NAV1: variants seen among roughly 807,000 people sequenced by gnomAD.
NAV1 encodes the protein pore membrane and/or filament interacting like protein 3.
A neutral mutation model predicts 175.2 loss-of-function variants in NAV1; 18 were observed. The observed-to-expected ratio is 0.10, with a 90% CI of 0.07 to 0.15. The LOEUF (loss-of-function observed/expected upper bound fraction) is 0.15, where lower values mean the gene tolerates loss of function less well. Among genes scored for constraint, NAV1 ranks in the 10% least tolerant of loss-of-function variants. NAV1 has a pLI of 1.00. For synonymous variants in NAV1, 897 were observed against 978.7 expected, an observed-to-expected ratio of 0.92 and a Z score of 1.56; for missense variants, 1,731 against 2,436.6, an observed-to-expected ratio of 0.71 and a Z score of 6.10.
chr1:201,643,016 C>T (rs1388208681), intron 2 of NAV1, among the ~76,000 whole-genome samples: 1 of 151,720 alleles, frequency 6.6e-6, no homozygotes, highest in East Asian at 2.0e-4. Flanking sequence ...CCTCGTGATC[C>T]GTCCGCCTTG....
intron 3 of NAV1, among the ~76,000 whole-genome samples, chr1:201,722,091 T>A (rs1012141608): frequency 6.6e-6 from 1 of 152,062 alleles, no homozygotes; most frequent in Non-Finnish European, 1.5e-5. Context: ...AAAATTGTGG[T>A]TATATATATA....
intron 1 of NAV1, among the ~76,000 whole-genome samples, chr1:201,695,878 A>G (rs1169926552): frequency 2.6e-5 from 4 of 152,206 alleles, no homozygotes; most frequent in African/African-American, 9.7e-5. Context: ...CTGGTTCTGG[A>G]GAAGGCCCAG....
At chr1:201,756,820 C>CTT (rs1553267174) in intron 3 of NAV1, among the ~76,000 whole-genome samples, 3 of 29,152 alleles carry the variant, frequency 1.0e-4, no homozygotes, top group South Asian at 8.6e-4. Flanking sequence ...TTCTTTCTTT[C>CTT]TTTCTTTCTT....
At chr1:201,746,377 T>A (rs1226491825) in intron 3 of NAV1, among the ~76,000 whole-genome samples, 2 of 152,186 alleles carry the variant, frequency 1.3e-5, no homozygotes, top group African/African-American at 4.8e-5. Context: ...CCCTTCAGAT[T>A]AGGTTAAATC....
At chr1:201,765,881 T>C (rs1675184754) in intron 3 of NAV1, among the ~76,000 whole-genome samples, 1 of 152,256 alleles carries the variant, frequency 6.6e-6, no homozygotes, top group Non-Finnish European at 1.5e-5. Flanking sequence ...AATCTGAATT[T>C]GGGCTTCCCT....
chr1:201,786,392 C>CGG (rs1208761759), intron 8 of NAV1, 37 bp from the exon 13 acceptor site: 1 of 1,592,250 alleles, frequency 6.3e-7, no homozygotes, highest in African/African-American at 1.3e-5. Context: ...ACCGCACTTG[C>CGG]TAGTCCCAGA....
chr1:201,719,157 CA>C (rs10716495), intron 3 of NAV1, among the ~76,000 whole-genome samples: 76,425 of 134,298 alleles, frequency 0.57, 19,942 homozygotes, highest in Admixed American at 0.68. Context: ...TTCCCATTTG[CA>C]AAAAAAAAAA....
intron 3 of NAV1, among the ~76,000 whole-genome samples, chr1:201,776,335 C>CAAAAAAAAA (rs71138352): frequency 2.1e-4 from 15 of 71,880 alleles, no homozygotes; most frequent in African/African-American, 8.1e-4. Flanking sequence ...CCTGACTCTA[C>CAAAAAAAAA]AAAAAAAAAA....
intron 1 of NAV1, among the ~76,000 whole-genome samples, chr1:201,661,145 A>G (rs1243586294): frequency 6.6e-6 from 1 of 152,200 alleles, no homozygotes; most frequent in Non-Finnish European, 1.5e-5. Context: ...TTCAGCCGCT[A>G]GACTCTACTG....
At chr1:201,644,872 G>A (rs1161653306), upstream of NAV1, among the ~76,000 whole-genome samples, 2 of 152,210 alleles carry the variant, frequency 1.3e-5, no homozygotes, top group Non-Finnish European at 2.9e-5. Context: ...AATAAAGACA[G>A]GGGAAGGGAC....
exon 7 of NAV1, chr1:201,783,689 C>T: frequency 6.2e-7 from 1 of 1,614,230 alleles, no homozygotes. Context: ...ACTCTCAGGC[C>T]TGCACAGGAG....
chr1:201,701,724 A>G (rs1253847255), intron 1 of NAV1, among the ~76,000 whole-genome samples: 1 of 152,238 alleles, frequency 6.6e-6, no homozygotes, highest in Non-Finnish European at 1.5e-5. Context: ...TCAAAAAGAG[A>G]CAATGACAAG....
At chr1:201,647,376 A>C (rs954555727), upstream of NAV1, among the ~76,000 whole-genome samples, 5 of 152,200 alleles carry the variant, frequency 3.3e-5, no homozygotes, top group Non-Finnish European at 7.3e-5. Flanking sequence ...TCTGGCAGGC[A>C]AGGGACCCAG....
intron 3 of NAV1, chr1:201,739,678 G>C: frequency 5.7e-6 from 4 of 699,314 alleles, no homozygotes; most frequent in Non-Finnish European, 7.3e-6. Flanking sequence ...CAGCCCCGTC[G>C]GCACCTCCAG....
At chr1:201,727,386 T>A (rs1031479950) in intron 3 of NAV1, among the ~76,000 whole-genome samples, 1 of 152,242 alleles carries the variant, frequency 6.6e-6, no homozygotes, top group Middle Eastern at 3.2e-3. Context: ...CATTTTTACC[T>A]GTTCACACAA....
intron 1 of NAV1, among the ~76,000 whole-genome samples, chr1:201,681,014 T>G (rs756962107): frequency 1.3e-5 from 2 of 152,140 alleles, no homozygotes; most frequent in Non-Finnish European, 2.9e-5. Flanking sequence ...CATTGTCCTA[T>G]TCACACCATC....
intron 1 of NAV1, among the ~76,000 whole-genome samples, chr1:201,652,994 A>G (rs1427770677): frequency 6.6e-6 from 1 of 152,218 alleles, no homozygotes; most frequent in Non-Finnish European, 1.5e-5. Context: ...AGCCTATTTC[A>G]TAATAAAGTT....
chr1:201,559,007 A>G (rs1197306493), intron 1 of NAV1, among the ~76,000 whole-genome samples: 1 of 152,160 alleles, frequency 6.6e-6, no homozygotes, highest in Non-Finnish European at 1.5e-5. Flanking sequence ...TCAAAAGGCC[A>G]TATTATGGGG....
At chr1:201,705,524 G>C (rs1389925600) in intron 1 of NAV1, among the ~76,000 whole-genome samples, 1 of 152,182 alleles carries the variant, frequency 6.6e-6, no homozygotes, top group Non-Finnish European at 1.5e-5. Flanking sequence ...TGAAAACCCT[G>C]GGAGCTCCCC....
Sources: gnomAD v4.1 joint callset for allele counts (sites outside exome capture counted in the v4.1 genomes callset) on GRCh38, gnomAD v4.1.1 for gene constraint, MANE v1.5 for transcripts, NCBI Gene and HGNC (gene_info 2026-07-23, HGNC 2026-07-21) for gene names.